SLC4A9: variants seen among roughly 807,000 people sequenced by gnomAD.
SLC4A9 encodes the protein solute carrier family 4 member 9.
A neutral mutation model predicts 103.2 loss-of-function variants in SLC4A9; 102 were observed. That is an observed-to-expected ratio of 0.99 (90% CI 0.84 to 1.17). SLC4A9 has a LOEUF of 1.17. Ranked by LOEUF, SLC4A9 falls within the 50% of genes most tolerant of loss-of-function variation. The pLI, the probability that SLC4A9 is intolerant of heterozygous loss-of-function variation, is 0.00. For missense variants in SLC4A9, 1,091 were observed against 1,193.7 expected (o/e 0.91, Z 1.27); for synonymous variants, 453 against 483.6 (o/e 0.94, Z 0.83).
intron 9 of SLC4A9, 37 bp from the exon 10 acceptor site, chr5:140,364,017 C>T (rs1267636420): frequency 6.5e-7 from 1 of 1,528,276 alleles, no homozygotes; most frequent in African/African-American, 1.4e-5. Flanking sequence ...ACCCCGAGGA[C>T]TTCAGGGTCC....
intron 2 of SLC4A9, 129 bp downstream of exon 2, chr5:140,361,101 G>T (rs116741323): frequency 8.3e-7 from 1 of 1,208,612 alleles, no homozygotes; most frequent in Non-Finnish European, 1.2e-6. Flanking sequence ...CTTGTCACAG[G>T]GTGGACATGG....
chr5:140,372,850 G>T lies in SLC4A9; in HGVS notation c.*45+7G>T. 6.8e-6 allele frequency: 10 copies of T among 1,472,776 alleles called. No homozygotes were observed. Among genetic ancestry groups the T allele is most frequent in the Non-Finnish European group, 9.1e-6 (10 of 1,094,410 alleles). 91.2% of individuals were successfully genotyped at this position (1,472,776 alleles called of 1,614,324 possible). On this transcript the variant is annotated splice_region_variant and intron_variant, in intron 21 of 21. Coordinates refer to ENST00000506757, the MANE Select transcript of SLC4A9 (RefSeq NM_031467.3). The stretch of plus-strand genomic sequence containing the variant: ...CCCCAGGAAACAGCATGAGGTGAGG[G>T]TGTGAGGGAAGTGCTCCTGATGTTG...
chr5:140,361,303 G>T lies in SLC4A9; in HGVS notation c.441G>T (p.Leu147Phe). ...ESLSPELRGQ[L>F]QALLLQRPQH... ...TGAGCCCAGAGCTGAGAGGGCAGTT[G>T]CAGGCCTTGCTGCTGCAGAGACCCC... The change falls in exon 3 of 22, where the codon TTG becomes TTT. Residue 147 changes from leucine to phenylalanine, a missense_variant. Physicochemically the swap from Leu to Phe is conservative, Grantham distance 22 (BLOSUM62 0). Transcript: ENST00000506757. 6.4e-7 allele frequency: 1 copy of T among 1,571,680 alleles called. No individual in the cohort carries two copies. Among genetic ancestry groups the T allele is most frequent in the Non-Finnish European group, 8.6e-7 (1 of 1,158,252 alleles).
intron 21 of SLC4A9, 122 bp downstream of exon 21, chr5:140,372,965 G>A (rs960482443): frequency 1.2e-5 from 7 of 563,944 alleles, no homozygotes; most frequent in Non-Finnish European, 2.1e-5. Context: ...AGGAATCCTA[G>A]ATTGGGGGTG....
chr5:140,361,420 A>C (rs1222258080), intron 3 of SLC4A9, 53 bp downstream of exon 3: 112 of 1,401,762 alleles, frequency 8.0e-5, no homozygotes, highest in Non-Finnish European at 1.1e-4. Flanking sequence ...GCAGGGTCTC[A>C]GATCTCCCCT....
Position 140,360,902 on chromosome 5 carries a change from G to T in SLC4A9, c.321G>T (p.Lys107Asn), listed in dbSNP as rs1327916027. ...CCCTGGCACTGCCCAGCCTCCAGAA[G>T]CTCCGCAGCCTGCTGGCCGAGGGCC... ...VPTLALPSLQ[K>N]LRSLLAEGLV... The change falls in exon 2 of 22, where the codon AAG (lysine) becomes AAT (asparagine). Residue 107 changes from lysine to asparagine, a missense_variant. Lys to Asn is a moderately conservative substitution (Grantham distance 94). Coordinates refer to ENST00000506757, the MANE Select transcript of SLC4A9 (RefSeq NM_031467.3). 4 of 1,609,036 alleles carry T rather than the reference G, an allele frequency of 2.5e-6. No individual in the cohort carries two copies. The highest frequency in any genetic ancestry group is 2.5e-6 in the Non-Finnish European group (3 of 1,178,156).
chr5:140,362,221 G>T, intron 5 of SLC4A9, 47 bp downstream of exon 5: 1 of 1,475,164 alleles, frequency 6.8e-7, no homozygotes, highest in South Asian at 1.4e-5. Context: ...GAACCTAGAA[G>T]GGTCTTTACT....
At chr5:140,372,913 A>C (rs1351554420) in intron 21 of SLC4A9, 70 bp downstream of exon 21, 8 of 916,472 alleles carry the variant, frequency 8.7e-6, no homozygotes, top group Non-Finnish European at 1.3e-5. Flanking sequence ...GGAACTCTCC[A>C]GTGTGTTGGC....
intron 5 of SLC4A9, 84 bp downstream of exon 5, chr5:140,362,258 G>A: frequency 3.6e-6 from 5 of 1,387,126 alleles, no homozygotes; most frequent in Admixed American, 2.8e-5. Flanking sequence ...GTCTCAGTCT[G>A]ATTCTCTGAG....
In SLC4A9 at chr5:140,364,473, C is replaced by A; in HGVS notation, c.1499C>A (p.Thr500Asn). 1 of 1,613,096 alleles carries A rather than the reference C, an allele frequency of 6.2e-7. No homozygotes were observed. Among genetic ancestry groups the A allele is most frequent in the Non-Finnish European group, 8.5e-7 (1 of 1,179,466 alleles). ...TEASVLVRYF[T>N]RFTEEGFCAL... ...GCCAGTGTGCTGGTGCGCTACTTCACCCGCTTCACTGAGGAAGGTTTCTGT... is the reference window on the plus strand; with the variant it reads ...GCCAGTGTGCTGGTGCGCTACTTCAACCGCTTCACTGAGGAAGGTTTCTGT... Residue 500 changes from threonine (T) to asparagine (N), a missense_variant, in exon 11 of 22, where the codon ACC becomes AAC. Thr to Asn is a moderately conservative substitution (Grantham distance 65). Transcript: ENST00000506757.
rs753173522 is a variant in SLC4A9 at position 140,363,679 on chromosome 5, C to A, written c.1080-49C>A. ...GGTCACAGGGAAAGTAGCGGGGATG[C>A]GGGTGTGGAGTGTGAAAACCTGGAT... On this transcript the variant is annotated intron_variant, in intron 8 of 21. Coordinates refer to ENST00000506757, the MANE Select transcript of SLC4A9 (RefSeq NM_031467.3). The surrounding 1 kb of genome is among the most constrained non-coding windows in gnomAD (Gnocchi z 4.5). The A allele has an allele frequency of 8.7e-6, 14 of 1,602,152 alleles. No individual in the cohort carries two copies. The highest frequency in any genetic ancestry group is 1.2e-5 in the Non-Finnish European group (14 of 1,173,160).
rs1581140581 is a variant in SLC4A9 at position 140,364,130 on chromosome 5, T to A, written c.1331T>A (p.Ile444Asn). 1 of 1,594,716 alleles carries A rather than the reference T, an allele frequency of 6.3e-7. No individual in the cohort carries two copies. The highest frequency in any genetic ancestry group is 8.5e-7 in the Non-Finnish European group (1 of 1,169,916). The change falls in exon 10 of 22, where the codon ATT becomes AAT. Residue 444 changes from isoleucine to asparagine, a missense_variant. By Grantham distance (149) the Ile-to-Asn change is moderately radical. Coordinates refer to ENST00000506757, the MANE Select transcript of SLC4A9 (RefSeq NM_031467.3). ...FCLMAGQPLT[I>N]LSSTGPVLVF... Reference sequence around the variant, plus strand: ...CTGATGGCAGGCCAGCCCCTCACCATTCTGAGCAGCACGGGGCCAGTGCTG... The same window carrying A: ...CTGATGGCAGGCCAGCCCCTCACCAATCTGAGCAGCACGGGGCCAGTGCTG...
rs1768845690 is a variant in SLC4A9 at position 140,372,307 on chromosome 5, G to C, written c.2736G>C (p.Trp912Cys). The C allele has an allele frequency of 1.2e-6, 2 of 1,608,992 alleles. No homozygotes were observed. Among genetic ancestry groups the C allele is most frequent in the Non-Finnish European group, 8.5e-7 (1 of 1,178,616 alleles). ...TCTTCTCACCACAGGAACTCCTCTG[G>C]CTGGATGAGCTGATGCCAGAGGAGG... Reference protein sequence around the residue: ...ERVFSPQELLWLDELMPEEER... With the variant: ...ERVFSPQELLCLDELMPEEER... Residue 912 changes from tryptophan (W) to cysteine (C), a missense_variant, in exon 20 of 22, where the codon TGG becomes TGC. Coordinates refer to ENST00000506757, the MANE Select transcript of SLC4A9 (RefSeq NM_031467.3).
chr5:140,365,804 TA>T (rs1561596764), intron 12 of SLC4A9, 29 bp from the exon 13 acceptor site: 1 of 1,601,624 alleles, frequency 6.2e-7, no homozygotes, highest in East Asian at 2.2e-5. Context: ...CCATTGCCTA[TA>T]ACTCCACTCC....
intron 18 of SLC4A9, 89 bp downstream of exon 18, chr5:140,371,252 T>C: frequency 1.4e-6 from 2 of 1,460,694 alleles, no homozygotes; most frequent in Non-Finnish European, 1.9e-6. Context: ...ACCCTACTCC[T>C]TTTTTCTTTT....
At position 140,363,067 on chromosome 5, in the gene SLC4A9, G is replaced by C. The variant is rs1483624481; in HGVS notation, c.962+1G>C. ...AATGTCTGCCATCTCAGCACAAAAGGTACCTGGGAGCCATCATCCCATACA... is the reference window on the plus strand; with the variant it reads ...AATGTCTGCCATCTCAGCACAAAAGCTACCTGGGAGCCATCATCCCATACA... On this transcript the variant is annotated splice_donor_variant, in intron 7 of 21. Coordinates refer to ENST00000506757, the MANE Select transcript of SLC4A9 (RefSeq NM_031467.3). LOFTEE classifies it high-confidence loss of function. This position sits in a 1 kb window ranked among gnomAD's most constrained non-coding sequence, Gnocchi z 4.5. The C allele has an allele frequency of 3.1e-6, 5 of 1,612,674 alleles. No individual in the cohort carries two copies. In the Admixed American group the frequency reaches 8.4e-5, roughly 27 times the overall value.
At chr5:140,371,403 A>G (rs1354856162) in intron 18 of SLC4A9, 48 bp from the exon 19 acceptor site, 1 of 1,607,972 alleles carries the variant, frequency 6.2e-7, no homozygotes, top group Non-Finnish European at 8.5e-7. Context: ...ACACCCTCCT[A>G]TCAGGCTACC....
intron 5 of SLC4A9, 82 bp downstream of exon 5, chr5:140,362,256 C>T: frequency 7.2e-7 from 1 of 1,389,488 alleles, no homozygotes; most frequent in Non-Finnish European, 9.6e-7. Flanking sequence ...GGGTCTCAGT[C>T]TGATTCTCTG....
At chr5:140,362,558 G>A (rs375374515) in intron 6 of SLC4A9, 26 bp downstream of exon 6, 6 of 1,601,084 alleles carry the variant, frequency 3.7e-6, no homozygotes, top group Non-Finnish European at 5.1e-6. Context: ...GTGTGTGTGT[G>A]CGCGCGCACG....
Sources: gnomAD v4.1 joint callset for allele counts on GRCh38, gnomAD v4.1.1 for gene constraint, Gnocchi (gnomAD v3.1) non-coding constraint, MANE v1.5 for transcripts, NCBI Gene and HGNC (gene_info 2026-07-23, HGNC 2026-07-21) for gene names.